Variants in MAGEB18 observed in about 807,000 individuals in gnomAD.
MAGEB18 encodes melanoma-associated antigen B18.
In MAGEB18, 6 loss-of-function variants were observed where a neutral mutation model predicts 6.3. That is an observed-to-expected ratio of 0.95 (90% CI 0.52 to 1.87). The LOEUF (loss-of-function observed/expected upper bound fraction) is 1.87. MAGEB18 is among the 40% of genes most tolerant of loss of function. The pLI is 0.01. For synonymous variants in MAGEB18, 93 were observed against 97.0 expected, an observed-to-expected ratio of 0.96 and a Z score of 0.24; for missense variants, 228 against 265.4, an observed-to-expected ratio of 0.86 and a Z score of 0.98.
intron 1 of MAGEB18, 129 bp from the exon 2 acceptor site, chrX:26,138,795 C>CA (rs1357348372): frequency 1.6e-5 from 7 of 426,044 alleles, no homozygotes; most frequent in Non-Finnish European, 2.4e-5. Flanking sequence ...AGAACAGTCC[C>CA]ACCCCGCTCC....
At position 26,139,101 on chromosome X, in the gene MAGEB18, C is replaced by A; in HGVS notation, c.116C>A (p.Ser39Tyr). Residue 39 changes from serine (S) to tyrosine (Y), a missense_variant, in exon 2 of 3, where the codon TCC (serine) becomes TAC (tyrosine). Ser to Tyr is a moderately radical substitution (Grantham distance 144). Coordinates refer to ENST00000325250, the MANE Select transcript of MAGEB18 (RefSeq NM_173699.4). ...QATVAEGESP[S>Y]PAYLLFGDRP... ...ACTGTGGCAGAAGGAGAGTCACCCT[C>A]CCCTGCCTATCTTCTCTTTGGTGAC... is the stretch of plus-strand genomic sequence containing the variant. 8 of 1,211,152 alleles carry A rather than the reference C, an allele frequency of 6.6e-6. No homozygotes were observed. Among genetic ancestry groups the A allele is most frequent in the Non-Finnish European group, 8.9e-6 (8 of 895,281 alleles).
Position 26,139,987 on chromosome X carries a change from C to G in MAGEB18, c.1002C>G (p.Thr334=). ...CCATGGCAAATGCACGTTCCAGAAC[C>G]ACGTCTAGCAGCTTCTCCCATGCTA... is the stretch of plus-strand genomic sequence containing the variant. ...TAAMANARSR[T]TSSSFSHAK The change falls in exon 2 of 3, where the codon ACC becomes ACG. Residue 334 remains threonine, a synonymous_variant. Transcript: ENST00000325250. The G allele has an allele frequency of 8.4e-7, 1 of 1,194,171 alleles. No homozygotes were observed. The highest frequency in any genetic ancestry group is 3.0e-5 in the East Asian group (1 of 33,496).
At chrX:26,140,091 G>T in intron 2 of MAGEB18, 38 bp downstream of exon 2, 1 of 935,782 alleles carries the variant, frequency 1.1e-6, no homozygotes, top group South Asian at 2.6e-5. Context: ...CCATGGTGGG[G>T]CTGGAAGAAA....
chrX:26,140,023 G>C lies in MAGEB18; in HGVS notation c.*6G>C, dbSNP rs370197441. ...GCTTCTCCCATGCTAAGTGAAATCT[G>C]AGGCTTGTTCTTCACTTTTTGGTCG... On this transcript the variant is annotated 3_prime_UTR_variant, in exon 2 of 3. Coordinates refer to ENST00000325250, the MANE Select transcript of MAGEB18 (RefSeq NM_173699.4). 8.6e-7 allele frequency: 1 copy of C among 1,165,556 alleles called. No homozygotes were observed. The highest frequency in any genetic ancestry group is 1.1e-6 in the Non-Finnish European group (1 of 872,783).
At chrX:26,138,624 G>A (rs1436288542) in intron 1 of MAGEB18, among the ~76,000 whole-genome samples, 157 bp downstream of exon 1, 1 of 111,761 alleles carries the variant, frequency 8.9e-6, no homozygotes. Flanking sequence ...TTCCTGTTGG[G>A]AATCTGTGGG....
chrX:26,138,777 C>A, intron 1 of MAGEB18, 147 bp from the exon 2 acceptor site: 1 of 389,923 alleles, frequency 2.6e-6, no homozygotes, highest in East Asian at 4.0e-5. Flanking sequence ...GATGTGACAA[C>A]CCCCCACAGA....
In MAGEB18 at chrX:26,138,955, C is replaced by T; in HGVS notation, c.-31C>T. ...CTCTTCATCAATTCAACTGCCTGCA[C>T]TATTGTCTGTAGTCCCTGACAAGAG... On this transcript the variant is annotated 5_prime_UTR_variant, in exon 2 of 3. Transcript: ENST00000325250. 1 of 1,151,228 alleles carries T rather than the reference C, an allele frequency of 8.7e-7. No individual in the cohort carries two copies. 94.9% of individuals were successfully genotyped at this position (1,151,228 alleles called of 1,213,427 possible).
rs1239444901 is a variant in MAGEB18 at position 26,140,301 on chromosome X, G to A, written c.*158G>A. ...GGGAACACAGCATATATCATTTTGTGTTAATAGTCTATAGTAACTCGGAGT... is the reference window on the plus strand; with the variant it reads ...GGGAACACAGCATATATCATTTTGTATTAATAGTCTATAGTAACTCGGAGT... On this transcript the variant is annotated 3_prime_UTR_variant, in exon 3 of 3. Transcript: ENST00000325250. The A allele has an allele frequency of 1.1e-5, 3 of 266,873 alleles. No individual in the cohort carries two copies. The highest frequency in any genetic ancestry group is 2.0e-5 in the Non-Finnish European group (3 of 152,601). 22.0% of individuals were successfully genotyped at this position (266,873 alleles called of 1,213,427 possible).
At chrX:26,138,840 G>T in intron 1 of MAGEB18, 84 bp from the exon 2 acceptor site, 1 of 484,320 alleles carries the variant, frequency 2.1e-6, no homozygotes, top group Non-Finnish European at 3.5e-6. Flanking sequence ...ACCCTCAAGA[G>T]AACCAGGAGA....
At position 26,139,577 on chromosome X, in the gene MAGEB18, G is replaced by A. The variant is rs1366579299; in HGVS notation, c.592G>A (p.Gly198Ser). The A allele has an allele frequency of 8.3e-7, 1 of 1,206,368 alleles. No individual in the cohort carries two copies. Among genetic ancestry groups the A allele is most frequent in the Non-Finnish European group, 1.1e-6 (1 of 892,605 alleles). ...TGATGAAGAAAAAATTCCCAAGACTGGCCTCCTGATGATTGCACTGGGTGT... is the reference window on the plus strand; with the variant it reads ...TGATGAAGAAAAAATTCCCAAGACTAGCCTCCTGATGATTGCACTGGGTGT... ...TSDEEKIPKTGLLMIALGVIF... is the reference protein window; with the variant it reads ...TSDEEKIPKTSLLMIALGVIF... The change falls in exon 2 of 3, where the codon GGC (glycine) becomes AGC (serine). Residue 198 changes from glycine (G) to serine (S), a missense_variant. By Grantham distance (56) the Gly-to-Ser change is moderately conservative. Transcript: ENST00000325250.
chrX:26,139,138 T>C lies in MAGEB18; in HGVS notation c.153T>C (p.Asn51=). The change falls in exon 2 of 3, where the codon AAT becomes AAC. Residue 51 remains asparagine (N), a synonymous_variant. Transcript: ENST00000325250. ...TTCTCTTTGGTGACAGACCCCAGAA[T>C]TTGCCTGCTGCTGAGACACCTAGCA... is the stretch of plus-strand genomic sequence containing the variant. ...AYLLFGDRPQ[N]LPAAETPSIP... The C allele has an allele frequency of 8.3e-7, 1 of 1,210,803 alleles. No homozygotes were observed. The highest frequency in any genetic ancestry group is 1.1e-6 in the Non-Finnish European group (1 of 895,351).
In MAGEB18 at chrX:26,139,646, G is replaced by A; in HGVS notation, c.661G>A (p.Glu221Lys). The change falls in exon 2 of 3, where the codon GAA becomes AAA. Residue 221 changes from glutamate to lysine, a missense_variant. By Grantham distance (56) the Glu-to-Lys change is moderately conservative. Coordinates refer to ENST00000325250, the MANE Select transcript of MAGEB18 (RefSeq NM_173699.4). ...GNRAPEEAVW[E>K]IMNMMGVYAD... ...CCGTGCCCCAGAAGAGGCAGTCTGG[G>A]AAATTATGAATATGATGGGTGTATA... 8.3e-7 allele frequency: 1 copy of A among 1,208,432 alleles called. No homozygotes were observed. Among genetic ancestry groups the A allele is most frequent in the Non-Finnish European group, 1.1e-6 (1 of 893,725 alleles).
In MAGEB18 at chrX:26,139,655, A is replaced by C. The variant is rs1928429181; in HGVS notation, c.670A>C (p.Asn224His). ...AGAAGAGGCAGTCTGGGAAATTATG[A>C]ATATGATGGGTGTATATGCCGATAG... ...APEEAVWEIM[N>H]MMGVYADRKH... The change falls in exon 2 of 3, where the codon AAT becomes CAT. Residue 224 changes from asparagine to histidine, a missense_variant. Physicochemically the swap from Asn to His is moderately conservative, Grantham distance 68. Coordinates refer to ENST00000325250, the MANE Select transcript of MAGEB18 (RefSeq NM_173699.4). 8.3e-7 allele frequency: 1 copy of C among 1,208,976 alleles called. No homozygotes were observed. Among genetic ancestry groups the C allele is most frequent in the African/African-American group, 1.7e-5 (1 of 57,670 alleles).
chrX:26,139,972 T>A lies in MAGEB18; in HGVS notation c.987T>A (p.Asn329Lys). ...AARAHTAAMA[N>K]ARSRTTSSSF... ...GGGCTCATACTGCTGCCATGGCAAA[T>A]GCACGTTCCAGAACCACGTCTAGCA... Residue 329 changes from asparagine (N) to lysine (K), a missense_variant, in exon 2 of 3, where the codon AAT (asparagine) becomes AAA (lysine). Transcript: ENST00000325250. 1 of 1,204,650 alleles carries A rather than the reference T, an allele frequency of 8.3e-7. No individual in the cohort carries two copies. The highest frequency in any genetic ancestry group is 1.1e-6 in the Non-Finnish European group (1 of 891,791).
rs760985609 is a variant in MAGEB18, at chrX:26,139,019, C to T, written c.34C>T (p.Arg12Cys). Reference protein sequence around the residue: ...PRGQKSKLRAREKRHQARCEN... With the variant: ...PRGQKSKLRACEKRHQARCEN... ...AGGTCAGAAGAGTAAGCTCCGTGCC[C>T]GTGAGAAACGCCACCAGGCTCGTTG... Residue 12 changes from arginine (R) to cysteine (C), a missense_variant, in exon 2 of 3, where the codon CGT (arginine) becomes TGT (cysteine). Transcript: ENST00000325250. 21 of 1,206,157 alleles carry T rather than the reference C, an allele frequency of 1.7e-5. No individual in the cohort carries two copies. The South Asian group carries it at 2.7e-4, about 15-fold the overall frequency.
At position 26,139,061 on chromosome X, in the gene MAGEB18, G is replaced by T; in HGVS notation, c.76G>T (p.Gly26Ter). ...GGCTCGTTGTGAGAATCAGGATCTG[G>T]GAGCTACGCAGGCCACTGTGGCAGA... ...HQARCENQDL[G>*]ATQATVAEGE... The change falls in exon 2 of 3, where the codon GGA becomes TGA. Residue 26 changes from glycine (G) to a stop codon, truncating the protein, a stop_gained. Coordinates refer to ENST00000325250, the MANE Select transcript of MAGEB18 (RefSeq NM_173699.4). LOFTEE classifies it high-confidence loss of function. The T allele has an allele frequency of 8.3e-7, 1 of 1,210,792 alleles. No homozygotes were observed. The highest frequency in any genetic ancestry group is 1.1e-6 in the Non-Finnish European group (1 of 895,113).
In MAGEB18 at chrX:26,140,039, T is replaced by C; in HGVS notation, c.*22T>C. The C allele has an allele frequency of 8.8e-7, 1 of 1,141,826 alleles. No individual in the cohort carries two copies. The highest frequency in any genetic ancestry group is 1.2e-6 in the Non-Finnish European group (1 of 859,820). 94.1% of individuals were successfully genotyped at this position (1,141,826 alleles called of 1,213,427 possible). A position where few individuals can be genotyped will look rare whatever the true frequency, so the allele number is the denominator to read the frequency against. ...GTGAAATCTGAGGCTTGTTCTTCAC[T>C]TTTTGGTCGAAAAGGTCTGTCAACA... On this transcript the variant is annotated 3_prime_UTR_variant, in exon 2 of 3. Transcript: ENST00000325250.
rs920302699 is a variant in MAGEB18 at position 26,140,664 on chromosome X, A to C, written c.*521A>C. 2.7e-5 allele frequency: 3 copies of C among 112,367 alleles called. No individual in the cohort carries two copies. Among genetic ancestry groups the C allele is most frequent in the African/African-American group, 9.7e-5 (3 of 30,946 alleles). 9.3% of individuals were successfully genotyped at this position (112,367 alleles called of 1,213,427 possible). ...TTTCCATTTTAGTCTGTTATATAAA[A>C]ATAAAAGTCATACCTGGATTGGCTT... On this transcript the variant is annotated 3_prime_UTR_variant, in exon 3 of 3. Coordinates refer to ENST00000325250, the MANE Select transcript of MAGEB18 (RefSeq NM_173699.4).
Position 26,139,457 on chromosome X carries a change from C to T in MAGEB18, c.472C>T (p.Leu158=), listed in dbSNP as rs771600535. The T allele has an allele frequency of 4.2e-6, 5 of 1,204,580 alleles. No individual in the cohort carries two copies. Among genetic ancestry groups the T allele is most frequent in the Non-Finnish European group, 5.6e-6 (5 of 892,476 alleles). ...ILKRASEHME[L]ALGVDLKEVD... ...CAAGAGAGCCTCTGAGCACATGGAGCTGGCACTTGGTGTTGATTTGAAGGA... is the reference window on the plus strand; with the variant it reads ...CAAGAGAGCCTCTGAGCACATGGAGTTGGCACTTGGTGTTGATTTGAAGGA... The change falls in exon 2 of 3, where the codon CTG becomes TTG. Residue 158 remains leucine (L), a synonymous_variant. Coordinates refer to ENST00000325250, the MANE Select transcript of MAGEB18 (RefSeq NM_173699.4).
Sources: allele counts gnomAD v4.1 joint callset (sites outside exome capture counted in the v4.1 genomes callset), GRCh38; gene constraint gnomAD v4.1.1; transcripts MANE v1.5; gene names NCBI Gene and HGNC (gene_info 2026-07-23, HGNC 2026-07-21).